CCPG1: variants seen among roughly 807,000 people sequenced by gnomAD.
CCPG1 encodes cell cycle progression protein 1.
A neutral mutation model predicts 81.3 loss-of-function variants in CCPG1; 46 were observed. The ratio of observed to expected loss-of-function variants is 0.57; its 90% CI spans 0.45 to 0.72. The LOEUF (loss-of-function observed/expected upper bound fraction) is 0.72, where lower values mean the gene tolerates loss of function less well. CCPG1 is among the 30% of genes least tolerant of loss of function. The probability of loss-of-function intolerance (pLI) is 0.00; values close to 1 mark genes in which losing one functional copy is unlikely to be tolerated. For synonymous variants in CCPG1, 330 were observed against 305.2 expected, an observed-to-expected ratio of 1.08 and a Z score of -0.85; for missense variants, 902 against 937.6, an observed-to-expected ratio of 0.96 and a Z score of 0.50.
rs150409619 is a variant in CCPG1, at chr15:55,377,083, A to G, written c.320T>C (p.Val107Ala). The change falls in exon 5 of 9, where the codon GTT becomes GCT. Residue 107 changes from valine (V) to alanine (A), a missense_variant. By Grantham distance (64) the Val-to-Ala change is moderately conservative (BLOSUM62 0). Around this residue, in one of 3 missense-constraint regions of CCPG1, gnomAD observed 746 missense variants for 728.6 expected, o/e 1.02. Coordinates refer to ENST00000442196, the MANE Select transcript of CCPG1 (RefSeq NM_001204450.2). ...IGTASDDSDIVTLEPPKLEEI... is the reference protein window; with the variant it reads ...IGTASDDSDIATLEPPKLEEI... Reference sequence around the variant, plus strand: ...TTCTAACTTAGGTGGCTCAAGGGTAACAATATCAGAATCATCACTGGCAGT... The same window carrying G: ...TTCTAACTTAGGTGGCTCAAGGGTAGCAATATCAGAATCATCACTGGCAGT... 6.4e-4 allele frequency: 1,037 copies of G among 1,613,796 alleles called. 7 individuals are homozygous for G. The African/African-American group carries it at 0.012, about 19-fold the overall frequency.
intron 3 of CCPG1, among the ~76,000 whole-genome samples, chr15:55,381,532 ATC>A (rs1466990426): frequency 6.6e-6 from 1 of 152,228 alleles, no homozygotes; most frequent in East Asian, 1.9e-4. Flanking sequence ...TCTCAAAAGG[ATC>A]TCTGACACAA....
Position 55,359,757 on chromosome 15 carries a change from A to G in CCPG1, c.2016T>C (p.Cys672=). ...RYMLKELDTF[C]HWNELDQFIN... ...TGAACTGATCAAGTTCGTTCCAGTG[A>G]CAAAAAGTATCCAGTTCTTTTAACA... Residue 672 remains cysteine, a synonymous_variant, in exon 8 of 9, where the codon TGT becomes TGC. Coordinates refer to ENST00000442196, the MANE Select transcript of CCPG1 (RefSeq NM_001204450.2). 2 of 1,613,488 alleles carry G rather than the reference A, an allele frequency of 1.2e-6. No individual in the cohort carries two copies. The highest frequency in any genetic ancestry group is 1.7e-6 in the Non-Finnish European group (2 of 1,179,900).
At chr15:55,359,362 G>A in intron 8 of CCPG1, 177 bp downstream of exon 8, 1 of 1,372,214 alleles carries the variant, frequency 7.3e-7, no homozygotes, top group Non-Finnish European at 9.4e-7. Flanking sequence ...TGTTCCATTT[G>A]TAACAGCTAA....
intron 2 of CCPG1, 110 bp downstream of exon 2, chr15:55,389,255 G>C (rs1184291681): frequency 2.7e-6 from 2 of 736,384 alleles, no homozygotes; most frequent in African/African-American, 3.6e-5. Flanking sequence ...AATGTCCATT[G>C]GAACTTTTTG....
At chr15:55,397,631 G>A (rs181091591) in intron 1 of CCPG1, among the ~76,000 whole-genome samples, 102 of 152,296 alleles carry the variant, frequency 6.7e-4, no homozygotes, top group Non-Finnish European at 1.2e-3. Context: ...TACTAGAATG[G>A]AATAGCTACT....
At chr15:55,398,729 G>GCAC (rs1250354179) in intron 1 of CCPG1, among the ~76,000 whole-genome samples, 1 of 151,848 alleles carries the variant, frequency 6.6e-6, no homozygotes, top group Non-Finnish European at 1.5e-5. Context: ...TTACAGGTGC[G>GCAC]CACCACCATG....
At chr15:55,389,500 G>T in intron 1 of CCPG1, 67 bp from the exon 2 acceptor site, 1 of 1,071,044 alleles carries the variant, frequency 9.3e-7, no homozygotes. Flanking sequence ...AGCACTATAT[G>T]TGACACTAAG....
intron 2 of CCPG1, 94 bp downstream of exon 2, chr15:55,389,271 A>G: frequency 1.1e-6 from 1 of 885,870 alleles, no homozygotes; most frequent in Non-Finnish European, 1.8e-6. Flanking sequence ...TTTTGCTTAA[A>G]GGTAGAAAAA....
intron 3 of CCPG1, among the ~76,000 whole-genome samples, chr15:55,379,823 G>A (rs757704029): frequency 2.0e-5 from 3 of 152,018 alleles, no homozygotes; most frequent in Non-Finnish European, 2.9e-5. Flanking sequence ...TAAAGGCCGG[G>A]CACAGTGGCT....
rs563615356 is a variant in CCPG1, at chr15:55,372,123, A to G, written c.455-79T>C. 1.1e-4 allele frequency: 151 copies of G among 1,363,196 alleles called. 1 individual carries two copies. Among genetic ancestry groups the G allele is most frequent in the Middle Eastern group, 2.3e-4 (1 of 4,284 alleles). The allele number at this position is 1,363,196 out of a possible 1,614,324, so 84.4% of individuals were successfully genotyped here. A position where few individuals can be genotyped will look rare whatever the true frequency, so the allele number is the denominator to read the frequency against. Reference sequence around the variant, plus strand: ...CAGTAAAAATTATTTAGAATAATCAATGCCATCCCTTACATGCCTTTCTAC... The same window carrying G: ...CAGTAAAAATTATTTAGAATAATCAGTGCCATCCCTTACATGCCTTTCTAC... On this transcript the variant is annotated intron_variant, in intron 5 of 8. Transcript: ENST00000442196.
chr15:55,359,375 AT>A, intron 8 of CCPG1, 163 bp downstream of exon 8: 1 of 1,394,316 alleles, frequency 7.2e-7, no homozygotes, highest in Non-Finnish European at 9.3e-7. Flanking sequence ...ACAGCTAATA[AT>A]TTTTAGACTC....
intron 1 of CCPG1, among the ~76,000 whole-genome samples, chr15:55,402,197 G>T (rs540940328): frequency 6.6e-6 from 1 of 152,040 alleles, no homozygotes; most frequent in African/African-American, 2.4e-5. Context: ...TTGATAAATA[G>T]CTCCAATTTT....
chr15:55,365,985 A>G (rs2056319277), intron 6 of CCPG1, among the ~76,000 whole-genome samples: 1 of 152,082 alleles, frequency 6.6e-6, no homozygotes, highest in African/African-American at 2.4e-5. Flanking sequence ...CCCATGATCA[A>G]TCATTCATCA....
intron 3 of CCPG1, 109 bp downstream of exon 3, chr15:55,385,491 C>T (rs891979189): frequency 1.4e-5 from 8 of 578,116 alleles, no homozygotes; most frequent in Admixed American, 3.3e-5. Flanking sequence ...AATCCTCCAA[C>T]GACCCCTTAG....
chr15:55,396,152 TCC>T (rs1159201436), intron 1 of CCPG1, among the ~76,000 whole-genome samples: 2 of 33,978 alleles, frequency 5.9e-5, no homozygotes, highest in Admixed American at 9.4e-4. Context: ...AGACTCCACC[TCC>T]AAAAAAAAAA....
Position 55,377,113 on chromosome 15 carries a change from A to G in CCPG1, c.290T>C (p.Ile97Thr), listed in dbSNP as rs754518202. 6.2e-7 allele frequency: 1 copy of G among 1,613,694 alleles called. No individual in the cohort carries two copies. Among genetic ancestry groups the G allele is most frequent in the South Asian group, 1.1e-5 (1 of 91,076 alleles). Residue 97 changes from isoleucine (I) to threonine (T), a missense_variant, in exon 5 of 9, where the codon ATT (isoleucine) becomes ACT (threonine). Physicochemically the swap from Ile to Thr is moderately conservative, Grantham distance 89 (BLOSUM62 -1). Transcript: ENST00000442196. ...EQKIPEDSIYIGTASDDSDIV... is the reference protein window; with the variant it reads ...EQKIPEDSIYTGTASDDSDIV... ...ATCAGAATCATCACTGGCAGTTCCAATATAGATACTGTCTTCGGGTATCTT... is the reference window on the plus strand; with the variant it reads ...ATCAGAATCATCACTGGCAGTTCCAGTATAGATACTGTCTTCGGGTATCTT...
intron 2 of CCPG1, 22 bp downstream of exon 2, chr15:55,389,343 T>C (rs769366776): frequency 1.0e-5 from 15 of 1,499,012 alleles, no homozygotes; most frequent in South Asian, 9.1e-5. Flanking sequence ...AATTACCTTA[T>C]AAAAAGTATT....
At chr15:55,383,188 T>C (rs1238028255) in intron 3 of CCPG1, among the ~76,000 whole-genome samples, 1 of 152,252 alleles carries the variant, frequency 6.6e-6, no homozygotes, top group Non-Finnish European at 1.5e-5. Context: ...AATCTCCTTG[T>C]ACATCTCCAT....
At chr15:55,389,086 A>AAAAAAAAAAAAAAC (rs2056862652) in intron 2 of CCPG1, among the ~76,000 whole-genome samples, 1 of 151,082 alleles carries the variant, frequency 6.6e-6, no homozygotes, top group Non-Finnish European at 1.5e-5. Flanking sequence ...AAAAAAAAAA[A>AAAAAAAAAAAAAAC]AAAGACAAAA....
Sources: allele counts gnomAD v4.1 joint callset (sites outside exome capture counted in the v4.1 genomes callset), GRCh38; gene constraint gnomAD v4.1.1; regional missense constraint gnomAD v4.1.1; transcripts MANE v1.5; gene names NCBI Gene and HGNC (gene_info 2026-07-23, HGNC 2026-07-21).